Variants in CCSER1 observed in about 807,000 individuals in gnomAD.
CCSER1 encodes the protein coiled-coil serine rich protein 1.
A neutral mutation model predicts 82.0 loss-of-function variants in CCSER1; 41 were observed. The ratio of observed to expected loss-of-function variants is 0.50; its 90% CI spans 0.39 to 0.65. The LOEUF (loss-of-function observed/expected upper bound fraction) is 0.65, where lower values mean the gene tolerates loss of function less well. Among genes scored for constraint, CCSER1 ranks in the 30% least tolerant of loss-of-function variants. The pLI is 0.00. For missense variants in CCSER1, 1,119 were observed against 1,064.2 expected (o/e 1.05, Z -0.72); for synonymous variants, 414 against 383.9 (o/e 1.08, Z -0.92).
At chr4:91,476,533 T>C (rs935936550) in intron 10 of CCSER1, among the ~76,000 whole-genome samples, 19 of 151,678 alleles carry the variant, frequency 1.3e-4, no homozygotes, top group Admixed American at 9.9e-4. Flanking sequence ...TCACAGAAAT[T>C]TTAAAAATGA....
intron 1 of CCSER1, among the ~76,000 whole-genome samples, chr4:90,296,842 A>G (rs908177913): frequency 6.6e-6 from 1 of 152,082 alleles, no homozygotes; most frequent in African/African-American, 2.4e-5. Context: ...GTTCTGTTCC[A>G]TTGATCTATA....
intron 5 of CCSER1, among the ~76,000 whole-genome samples, chr4:90,551,458 C>A (rs396813): frequency 6.6e-6 from 1 of 151,942 alleles, no homozygotes; most frequent in Non-Finnish European, 1.5e-5. Context: ...GTACTTTCTT[C>A]TATGCCCAGC....
chr4:91,570,308 T>TG (rs199553356), intron 10 of CCSER1, among the ~76,000 whole-genome samples: 21,849 of 152,126 alleles, frequency 0.14, 1,859 homozygotes, highest in African/African-American at 0.24. Flanking sequence ...GCCTGGAGGA[T>TG]GTGGCCTTCT....
intron 9 of CCSER1, among the ~76,000 whole-genome samples, chr4:91,055,059 T>C (rs1018040335): frequency 2.0e-5 from 3 of 152,226 alleles, no homozygotes; most frequent in Non-Finnish European, 2.9e-5. Flanking sequence ...TTTTGTGTCC[T>C]TCCTTTCCTA....
intron 10 of CCSER1, among the ~76,000 whole-genome samples, chr4:91,350,878 A>T (rs1748423988): frequency 6.6e-6 from 1 of 152,024 alleles, no homozygotes; most frequent in Non-Finnish European, 1.5e-5. Context: ...ATTTACTTTG[A>T]CAGGAAACAA....
intron 10 of CCSER1, among the ~76,000 whole-genome samples, chr4:91,554,415 G>A (rs564447287): frequency 6.6e-6 from 1 of 151,052 alleles, no homozygotes; most frequent in East Asian, 1.9e-4. Flanking sequence ...ACAATAAACT[G>A]TCAAAAAAGA....
intron 10 of CCSER1, among the ~76,000 whole-genome samples, chr4:91,142,083 T>C (rs763274007): frequency 1.3e-5 from 2 of 152,142 alleles, no homozygotes; most frequent in Non-Finnish European, 2.9e-5. Context: ...ATGGTTTTGT[T>C]GTGTCCCCAC....
At chr4:90,370,381 C>G (rs1280028523) in intron 3 of CCSER1, 1 of 152,076 alleles carries the variant, frequency 6.6e-6, no homozygotes, top group Non-Finnish European at 1.5e-5. Context: ...CTGATTTTCA[C>G]TTATTTCTAG....
chr4:90,865,029 G>C (rs1261327303), intron 8 of CCSER1, among the ~76,000 whole-genome samples: 2 of 151,834 alleles, frequency 1.3e-5, no homozygotes, highest in Non-Finnish European at 2.9e-5. Flanking sequence ...TTAGGTTTTT[G>C]TTTTCTTTAT....
intron 10 of CCSER1, among the ~76,000 whole-genome samples, chr4:91,149,818 G>T (rs1178123373): frequency 3.3e-5 from 5 of 152,272 alleles, no homozygotes; most frequent in African/African-American, 2.4e-5. Flanking sequence ...TGAGGGCTCT[G>T]TTCTGTTCCA....
chr4:90,419,493 C>T (rs981045802), intron 4 of CCSER1, among the ~76,000 whole-genome samples: 1 of 151,860 alleles, frequency 6.6e-6, no homozygotes, highest in African/African-American at 2.4e-5. Context: ...CAGTATTAAC[C>T]TAGATCTTAA....
chr4:91,593,330 A>G (rs1177002260), intron 10 of CCSER1, among the ~76,000 whole-genome samples: 1 of 152,124 alleles, frequency 6.6e-6, no homozygotes, highest in Non-Finnish European at 1.5e-5. Flanking sequence ...GTTACTAAAG[A>G]ATGTTTTCTA....
At chr4:90,537,651 T>TA (rs1016226784) in intron 5 of CCSER1, among the ~76,000 whole-genome samples, 1 of 152,216 alleles carries the variant, frequency 6.6e-6, no homozygotes, top group African/African-American at 2.4e-5. Flanking sequence ...TCAGTTGGTA[T>TA]GTGTGGAATT....
chr4:90,293,737 A>G (rs1371106310), intron 1 of CCSER1, among the ~76,000 whole-genome samples: 1 of 151,652 alleles, frequency 6.6e-6, no homozygotes, highest in Non-Finnish European at 1.5e-5. Flanking sequence ...AAACAAACGA[A>G]CCATTATAGA....
At position 90,932,960 on chromosome 4, in the gene CCSER1, A is replaced by AAGAG. The variant is rs1344227006; in HGVS notation, c.2172+9516_2172+9517insGAGA. 3.1e-4 allele frequency among the ~76,000 whole-genome samples: 14 copies of AAGAG among 45,612 alleles called. 2 individuals are homozygous for AAGAG. In the East Asian group the frequency reaches 5.5e-3, roughly 18 times the overall value. 29.9% of individuals were successfully genotyped at this position (45,612 alleles called of 152,430 possible). ...AAAGAAAGAAAGAAAGAAAGAAAGA[A>AAGAG]AGAAAGAAAGAAAGAAAGAAAGAGA... On this transcript the variant is annotated intron_variant, in intron 9 of 10. Transcript: ENST00000509176.
rs1264292847 is a variant in CCSER1, at chr4:90,793,609, T to C, written c.2011-22153T>C. Among the ~76,000 whole-genome samples the C allele has an allele frequency of 7.9e-5, 12 of 152,344 alleles. 1 individual carries two copies. In the East Asian group the frequency reaches 2.3e-3, roughly 29 times the overall value. ...TTAGGTTGATTCCACGTCTTTGCCATTGTGAATAGTGCTGCAATGAACATA... is the reference window on the plus strand; with the variant it reads ...TTAGGTTGATTCCACGTCTTTGCCACTGTGAATAGTGCTGCAATGAACATA... On this transcript the variant is annotated intron_variant, in intron 7 of 10. Transcript: ENST00000509176.
At chr4:90,364,634 G>A (rs1745949365) in intron 3 of CCSER1, among the ~76,000 whole-genome samples, 1 of 151,866 alleles carries the variant, frequency 6.6e-6, no homozygotes, top group African/African-American at 2.4e-5. Context: ...ACTTTAAATT[G>A]CATTTTTATT....
chr4:90,271,010 G>C (rs902836367), intron 1 of CCSER1, among the ~76,000 whole-genome samples: 1 of 152,074 alleles, frequency 6.6e-6, no homozygotes, highest in African/African-American at 2.4e-5. Flanking sequence ...AAAATGGAAA[G>C]ATATTCCATG....
chr4:91,106,675 G>T (rs1725650436), intron 10 of CCSER1, among the ~76,000 whole-genome samples: 1 of 152,144 alleles, frequency 6.6e-6, no homozygotes, highest in South Asian at 2.1e-4. Context: ...TTTGGTCTTG[G>T]TCTCTGTCTT....
Sources: allele counts gnomAD v4.1 joint callset (sites outside exome capture counted in the v4.1 genomes callset), GRCh38; gene constraint gnomAD v4.1.1; transcripts MANE v1.5; gene names NCBI Gene and HGNC (gene_info 2026-07-23, HGNC 2026-07-21).